The following EML4 variants were observed in gnomAD, a reference collection of about 807,000 sequenced individuals.
The protein encoded by EML4 is echinoderm microtubule-associated protein-like 4.
A neutral mutation model predicts 129.0 loss-of-function variants in EML4; 72 were observed. The observed-to-expected ratio is 0.56, with a 90% CI of 0.46 to 0.68. EML4 has a LOEUF of 0.68. EML4 is among the 30% of genes least tolerant of loss of function. The pLI, the probability that EML4 is intolerant of heterozygous loss-of-function variation, is 0.00. For synonymous variants in EML4, 532 were observed against 405.0 expected (o/e 1.31, Z -3.77); for missense variants, 1,363 against 1,190.6 (o/e 1.14, Z -2.13).
At chr2:42,226,777 T>C (rs1673991216) in intron 1 of EML4, among the ~76,000 whole-genome samples, 1 of 152,164 alleles carries the variant, frequency 6.6e-6, no homozygotes, top group Non-Finnish European at 1.5e-5. Context: ...ATAATGCATA[T>C]GTTAAGTAGT....
intron 17 of EML4, among the ~76,000 whole-genome samples, chr2:42,315,415 G>A (rs1304623352): frequency 6.6e-6 from 1 of 152,140 alleles, no homozygotes; most frequent in Non-Finnish European, 1.5e-5. Flanking sequence ...CAAAGAGACA[G>A]GAATGGCAGT....
At chr2:42,302,448 C>G (rs1668336684) in intron 14 of EML4, among the ~76,000 whole-genome samples, 1 of 151,950 alleles carries the variant, frequency 6.6e-6, no homozygotes, top group Admixed American at 6.5e-5. Context: ...AGTAACTTAC[C>G]CAAAGTAATG....
chr2:42,269,941 A>G (rs553807002), intron 6 of EML4, among the ~76,000 whole-genome samples: 1 of 152,324 alleles, frequency 6.6e-6, no homozygotes, highest in East Asian at 1.9e-4. Flanking sequence ...AGTTAGGGGT[A>G]AAATGACCTG....
At chr2:42,175,327 A>G (rs891731821) in intron 1 of EML4, among the ~76,000 whole-genome samples, 4 of 149,752 alleles carry the variant, frequency 2.7e-5, no homozygotes, top group African/African-American at 9.9e-5. Context: ...GTTAGCCAGG[A>G]TGGTTGTGAT....
chr2:42,232,936 A>G (rs1674438679), intron 1 of EML4, among the ~76,000 whole-genome samples: 1 of 152,192 alleles, frequency 6.6e-6, no homozygotes, highest in African/African-American at 2.4e-5. Context: ...CGTGTTAGCC[A>G]GGATGGTCTC....
At chr2:42,188,344 C>T (rs530894582) in intron 1 of EML4, among the ~76,000 whole-genome samples, 5 of 152,246 alleles carry the variant, frequency 3.3e-5, no homozygotes, top group South Asian at 2.1e-4. Flanking sequence ...ACTCACCTCG[C>T]GGAGTAGCTG....
In EML4 at chr2:42,286,302, G is replaced by T. The variant is rs747248891; in HGVS notation, c.1045G>T (p.Val349Phe). The change falls in exon 10 of 23, where the codon GTT becomes TTT. Residue 349 changes from valine (V) to phenylalanine (F), a missense_variant. Coordinates refer to ENST00000318522, the MANE Select transcript of EML4 (RefSeq NM_019063.5). The part of the protein sequence containing the change: ...LQPHVRVWDS[V>F]TLSTLQIIGL... ...ACCCCACGTCAGAGTGTGGGATTCT[G>T]TTACTCTATCCACACTGCAGATTAT... The T allele has an allele frequency of 1.2e-6, 2 of 1,613,872 alleles. No individual in the cohort carries two copies. Among genetic ancestry groups the T allele is most frequent in the Non-Finnish European group, 1.7e-6 (2 of 1,179,758 alleles).
chr2:42,312,639 C>A (rs1042730457), intron 17 of EML4, among the ~76,000 whole-genome samples: 1 of 151,914 alleles, frequency 6.6e-6, no homozygotes, highest in African/African-American at 2.4e-5. Flanking sequence ...CTGCAACCTC[C>A]ACCTCCCGGG....
rs1674327876 is a variant in EML4, at chr2:42,231,321, C to T, written c.26-14184C>T. Among the ~76,000 whole-genome samples, 3 of 152,326 alleles carry T rather than the reference C, an allele frequency of 2.0e-5. No homozygotes were observed. In the South Asian group the frequency reaches 6.2e-4, roughly 32 times the overall value. On this transcript the variant is annotated intron_variant, in intron 1 of 22. Transcript: ENST00000318522. Reference sequence around the variant, plus strand: ...GATAACTTTGGCCCTATTCCTTTCTCACTCCAAGTCATCAATTCTCACAAC... The same window carrying T: ...GATAACTTTGGCCCTATTCCTTTCTTACTCCAAGTCATCAATTCTCACAAC...
At chr2:42,254,142 T>TA (rs1675970398) in intron 2 of EML4, among the ~76,000 whole-genome samples, 1 of 152,148 alleles carries the variant, frequency 6.6e-6, no homozygotes, top group Non-Finnish European at 1.5e-5. Context: ...GAGGCATTGG[T>TA]AAAAGAACGG....
intron 1 of EML4, among the ~76,000 whole-genome samples, chr2:42,231,088 C>T (rs1305977432): frequency 1.3e-5 from 2 of 152,216 alleles, no homozygotes; most frequent in African/African-American, 4.8e-5. Flanking sequence ...ACTGCCTTAC[C>T]TCCCAGCCTC....
In EML4 at chr2:42,169,578, C is replaced by G. The variant is rs776439994; in HGVS notation, c.-34C>G. On this transcript the variant is annotated 5_prime_UTR_variant, in exon 1 of 23. Coordinates refer to ENST00000318522, the MANE Select transcript of EML4 (RefSeq NM_019063.5). ...GGTCCGCTGAATGAAGTGCCCGCCC[C>G]TCTAAGCCCGGAGCCCGGCGCTTTC... 4.4e-6 allele frequency: 7 copies of G among 1,597,324 alleles called. No homozygotes were observed. The highest frequency in any genetic ancestry group is 6.0e-6 in the Non-Finnish European group (7 of 1,174,658).
chr2:42,298,872 C>T (rs1274309393), intron 13 of EML4, among the ~76,000 whole-genome samples: 1 of 152,132 alleles, frequency 6.6e-6, no homozygotes, highest in Non-Finnish European at 1.5e-5. Flanking sequence ...TTACATGATA[C>T]CTTCAGGCTA....
chr2:42,310,529 A>G (rs1668880106), intron 17 of EML4, among the ~76,000 whole-genome samples: 1 of 152,130 alleles, frequency 6.6e-6, no homozygotes, highest in Non-Finnish European at 1.5e-5. Context: ...TATTTTCAGT[A>G]GAGACAGGGT....
chr2:42,290,815 G>C (rs897662497), intron 11 of EML4, among the ~76,000 whole-genome samples: 5 of 152,044 alleles, frequency 3.3e-5, no homozygotes, highest in African/African-American at 1.2e-4. Flanking sequence ...TTAAAGAGGA[G>C]GGATGTTACA....
At chr2:42,183,870 A>C (rs1226179897) in intron 1 of EML4, among the ~76,000 whole-genome samples, 1 of 152,142 alleles carries the variant, frequency 6.6e-6, no homozygotes, top group East Asian at 1.9e-4. Context: ...GAGAATTCTC[A>C]GGATGCTGGG....
rs551586137 is a variant in EML4 at position 42,171,594 on chromosome 2, C to T, written c.25+1958C>T. On this transcript the variant is annotated intron_variant, in intron 1 of 22. Transcript: ENST00000318522. ...TTTTCATAAAGAGCGTCATTGTTGA[C>T]CCTAATGTTGGATTTAAAAAATTCA... Among the ~76,000 whole-genome samples the T allele has an allele frequency of 4.6e-5, 7 of 152,234 alleles. No homozygotes were observed. The South Asian group carries it at 1.2e-3, about 27-fold the overall frequency.
chr2:42,233,495 G>T (rs1294383511), intron 1 of EML4, among the ~76,000 whole-genome samples: 4 of 151,690 alleles, frequency 2.6e-5, no homozygotes, highest in African/African-American at 9.7e-5. Flanking sequence ...TTTTAGTAGA[G>T]ACGGGGTTTC....
At chr2:42,225,929 A>T (rs1157107851) in intron 1 of EML4, among the ~76,000 whole-genome samples, 2 of 152,180 alleles carry the variant, frequency 1.3e-5, no homozygotes, top group African/African-American at 4.8e-5. Flanking sequence ...CAAATTAGTC[A>T]CTCAATAAAT....
Sources: gnomAD v4.1 joint callset for allele counts (sites outside exome capture counted in the v4.1 genomes callset) on GRCh38, gnomAD v4.1.1 for gene constraint, MANE v1.5 for transcripts, NCBI Gene and HGNC (gene_info 2026-07-23, HGNC 2026-07-21) for gene names.